Variants in MAX observed in about 807,000 individuals in gnomAD.
The protein encoded by MAX is protein max.
MAX carries 3 observed loss-of-function variants against 22.3 expected under a neutral mutation model. The ratio of observed to expected loss-of-function variants is 0.13; its 90% CI spans 0.06 to 0.35. The LOEUF is 0.35. MAX is among the 10% of genes least tolerant of loss of function. The pLI, the probability that MAX is intolerant of heterozygous loss-of-function variation, is 1.00. For missense variants in MAX, 119 were observed against 209.4 expected, an observed-to-expected ratio of 0.57 and a Z score of 2.66; for synonymous variants, 72 against 77.7, an observed-to-expected ratio of 0.93 and a Z score of 0.39.
chr14:65,010,280 T>G (rs1360484771), intron 3 of MAX, among the ~76,000 whole-genome samples: 1 of 152,232 alleles, frequency 6.6e-6, no homozygotes, highest in Non-Finnish European at 1.5e-5. Context: ...CTTCCCACAG[T>G]TTTGTTTCCA....
chr14:65,081,796 G>A (rs1280367554), intron 3 of MAX, among the ~76,000 whole-genome samples: 2 of 152,174 alleles, frequency 1.3e-5, no homozygotes, highest in Non-Finnish European at 2.9e-5. Flanking sequence ...GGCTTGGATG[G>A]AGCCCTGAGA....
rs907546449 is a variant in MAX, at chr14:65,077,597, T to G, written c.295+316A>C. 1 of 1,023,918 alleles carries G rather than the reference T, an allele frequency of 9.8e-7. No individual in the cohort carries two copies. The highest frequency in any genetic ancestry group is 1.5e-6 in the Non-Finnish European group (1 of 665,298). The allele number at this position is 1,023,918 out of a possible 1,614,324, so 63.4% of individuals were successfully genotyped here. A position where few individuals can be genotyped will look rare whatever the true frequency, so the allele number is the denominator to read the frequency against. On this transcript the variant is annotated intron_variant, in intron 4 of 4. Coordinates refer to ENST00000358664, the MANE Select transcript of MAX (RefSeq NM_002382.5). This position sits in a 1 kb window ranked among gnomAD's most constrained non-coding sequence, Gnocchi z 6.3. ...TCCACTCCAAGGACCTCAAAGCTCTTTTCAGACACCTGATGCCAGGTGTGA... is the reference window on the plus strand; with the variant it reads ...TCCACTCCAAGGACCTCAAAGCTCTGTTCAGACACCTGATGCCAGGTGTGA...
chr14:65,080,004 A>C (rs4902360), intron 3 of MAX, among the ~76,000 whole-genome samples: 74,609 of 152,098 alleles, frequency 0.49, 20,804 homozygotes, highest in African/African-American at 0.77. Context: ...AAGCTTACTT[A>C]CTATCTAGTT....
chr14:65,056,008 C>G (rs980785503), intron 3 of MAX, among the ~76,000 whole-genome samples: 1 of 152,186 alleles, frequency 6.6e-6, no homozygotes, highest in African/African-American at 2.4e-5. Flanking sequence ...CCTCCTTCTC[C>G]AGAGGTAACC....
intron 3 of MAX, chr14:65,053,035 C>A: frequency 2.8e-6 from 1 of 359,732 alleles, no homozygotes; most frequent in Non-Finnish European, 4.9e-6. Context: ...CTTTGAATTG[C>A]TGCTCTTTGA....
downstream of MAX, chr14:65,006,156 C>CTTTTTTTTTT (rs367570902): frequency 1.4e-5 from 21 of 1,501,226 alleles, no homozygotes; most frequent in Admixed American, 8.1e-5. Flanking sequence ...ACCTTTGTGT[C>CTTTTTTTTTT]TTTTTTTTTT....
Position 65,032,127 on chromosome 14 carries a change from G to C in MAX, c.172-25843C>G, listed in dbSNP as rs938032068. Among the ~76,000 whole-genome samples, 5 of 151,890 alleles carry C rather than the reference G, an allele frequency of 3.3e-5. No individual in the cohort carries two copies. Among genetic ancestry groups the C allele is most frequent in the Non-Finnish European group, 7.4e-5 (5 of 67,982 alleles). ...TCCTTGTTTGATCTATTACAATTTG[G>C]TGGCCTGTTTTGCAGTTTATCTGTT... On this transcript the variant is annotated intron_variant, in intron 3 of 3. Coordinates refer to the MAX transcript ENST00000341653. The surrounding 1 kb of genome is among the most constrained non-coding windows in gnomAD (Gnocchi z 5.0).
intron 3 of MAX, among the ~76,000 whole-genome samples, chr14:65,067,903 G>A (rs1476727234): frequency 6.7e-6 from 1 of 149,950 alleles, no homozygotes; most frequent in Non-Finnish European, 1.5e-5. Flanking sequence ...AAAGTGCTAT[G>A]ATTACAGGCA....
rs1595053413 is a variant in MAX at position 65,027,879 on chromosome 14, G to T, written c.172-21595C>A. ...TAAGGAACATCATGGGGAAGCTGCTGCTTTGTCCCAGAATGACACATGGGA... is the reference window on the plus strand; with the variant it reads ...TAAGGAACATCATGGGGAAGCTGCTTCTTTGTCCCAGAATGACACATGGGA... On this transcript the variant is annotated intron_variant, in intron 3 of 3. Transcript: ENST00000341653. The surrounding 1 kb of genome is among the most constrained non-coding windows in gnomAD (Gnocchi z 5.7). The T allele has an allele frequency of 6.6e-7, 1 of 1,505,450 alleles. No individual in the cohort carries two copies. The highest frequency in any genetic ancestry group is 2.3e-5 in the East Asian group (1 of 43,148). The allele number at this position is 1,505,450 out of a possible 1,614,324, so 93.3% of individuals were successfully genotyped here.
At position 65,093,694 on chromosome 14, in the gene MAX, C is replaced by G; in HGVS notation, c.171+14G>C. On this transcript the variant is annotated intron_variant, in intron 3 of 4. Coordinates refer to ENST00000358664, the MANE Select transcript of MAX (RefSeq NM_002382.5). The surrounding 1 kb of genome is among the most constrained non-coding windows in gnomAD (Gnocchi z 4.4). ...TAGTAGTGGCCAGCTACTCAGCTTT[C>G]TCAGGAAACTCACCTTCTCTCCTTG... 6.8e-7 allele frequency: 1 copy of G among 1,466,078 alleles called. No homozygotes were observed. The highest frequency in any genetic ancestry group is 9.6e-7 in the Non-Finnish European group (1 of 1,044,710). The allele number at this position is 1,466,078 out of a possible 1,614,324, so 90.8% of individuals were successfully genotyped here.
intron 3 of MAX, among the ~76,000 whole-genome samples, chr14:65,056,498 T>C (rs1050753959): frequency 2.6e-5 from 4 of 152,356 alleles, no homozygotes; most frequent in African/African-American, 9.6e-5. Context: ...AATCGATCCA[T>C]AGTCAGACCT....
At chr14:65,022,689 T>G (rs1595042389) in intron 3 of MAX, among the ~76,000 whole-genome samples, 1 of 151,016 alleles carries the variant, frequency 6.6e-6, no homozygotes, top group Non-Finnish European at 1.5e-5. Context: ...AAAAAAAAAG[T>G]AGTCATTTTT....
intron 3 of MAX, among the ~76,000 whole-genome samples, chr14:65,066,790 A>T (rs897285665): frequency 3.4e-5 from 5 of 146,978 alleles, no homozygotes; most frequent in Admixed American, 2.1e-4. Context: ...TGAACCCAGG[A>T]GGCAGAGGTT....
intron 3 of MAX, among the ~76,000 whole-genome samples, chr14:65,034,979 G>A (rs887840967): frequency 6.6e-6 from 1 of 152,164 alleles, no homozygotes; most frequent in Non-Finnish European, 1.5e-5. Context: ...GCTACAAACT[G>A]TCACTCATGC....
At chr14:65,101,799 C>T in intron 1 of MAX, 2 of 590,956 alleles carry the variant, frequency 3.4e-6, no homozygotes, top group East Asian at 5.7e-5. Context: ...GGGATCCGAC[C>T]TGGGCCAGAG....
At chr14:65,037,402 C>CTTTTTTTTTTTTTTTTTTTTTTTTTTT (rs765037575) in intron 3 of MAX, among the ~76,000 whole-genome samples, 3 of 14,534 alleles carry the variant, frequency 2.1e-4, no homozygotes, top group Non-Finnish European at 2.8e-4. Context: ...CACGCCGGGC[C>CTTTTTTTTTTTTTTTTTTTTTTTTTTT]CTTTTTTTTT....
At chr14:65,059,229 C>A (rs2062808463) in intron 3 of MAX, among the ~76,000 whole-genome samples, 1 of 152,020 alleles carries the variant, frequency 6.6e-6, no homozygotes. Context: ...TGCTATGTTG[C>A]CTAGTCTGGT....
intron 3 of MAX, among the ~76,000 whole-genome samples, chr14:65,010,322 G>C (rs984177210): frequency 2.0e-5 from 3 of 152,138 alleles, no homozygotes; most frequent in Non-Finnish European, 4.4e-5. Flanking sequence ...ACCTTCTGTG[G>C]CTTCACCTGT....
At chr14:65,026,923 C>T (rs1309082212) in intron 3 of MAX, among the ~76,000 whole-genome samples, 1 of 152,046 alleles carries the variant, frequency 6.6e-6, no homozygotes, top group Non-Finnish European at 1.5e-5. Flanking sequence ...CAGTGGCCCA[C>T]AGAGGCTTAG....
Sources: gnomAD v4.1 joint callset for allele counts (sites outside exome capture counted in the v4.1 genomes callset) on GRCh38, gnomAD v4.1.1 for gene constraint, Gnocchi (gnomAD v3.1) non-coding constraint, MANE v1.5 for transcripts, NCBI Gene and HGNC (gene_info 2026-07-23, HGNC 2026-07-21) for gene names.